Variants in KDM3A observed in about 807,000 individuals in gnomAD.
The protein encoded by KDM3A is lysine demethylase 3A.
KDM3A carries 60 observed loss-of-function variants against 158.0 expected under a neutral mutation model. The ratio of observed to expected loss-of-function variants is 0.38; its 90% CI spans 0.31 to 0.47. The LOEUF (loss-of-function observed/expected upper bound fraction) is 0.47, where lower values mean the gene tolerates loss of function less well. KDM3A is among the 20% of genes least tolerant of loss of function. The pLI is 0.99. For missense variants in KDM3A, 1,319 were observed against 1,574.3 expected (o/e 0.84, Z 2.74); for synonymous variants, 608 against 549.3 (o/e 1.11, Z -1.49).
intron 4 of KDM3A, among the ~76,000 whole-genome samples, chr2:86,454,584 TTA>T (rs997181790): frequency 2.0e-5 from 3 of 152,184 alleles, no homozygotes; most frequent in African/African-American, 7.2e-5. Context: ...ACACAGTGTA[TTA>T]TATAGTACAT....
intron 11 of KDM3A, among the ~76,000 whole-genome samples, chr2:86,472,726 G>A (rs1430176742): frequency 6.6e-6 from 1 of 152,092 alleles, no homozygotes; most frequent in East Asian, 1.9e-4. Context: ...TTTGATAGCT[G>A]CCCACTGCCT....
intron 21 of KDM3A, chr2:86,488,991 CTTTGT>C (rs2104714912): frequency 3.9e-6 from 1 of 254,170 alleles, no homozygotes; most frequent in South Asian, 5.1e-5. Context: ...GGTCCTTGGG[CTTTGT>C]CTCTTGCCCC....
chr2:86,473,733 A>G (rs919902197), intron 11 of KDM3A, among the ~76,000 whole-genome samples: 1 of 152,210 alleles, frequency 6.6e-6, no homozygotes, highest in Non-Finnish European at 1.5e-5. Flanking sequence ...TGGGCATTGG[A>G]GTGAGAGCCT....
intron 22 of KDM3A, 23 bp from the exon 23 acceptor site, chr2:86,489,497 T>G (rs558347349): frequency 1.2e-5 from 20 of 1,611,558 alleles, no homozygotes; most frequent in Non-Finnish European, 1.6e-5. Flanking sequence ...TGGTCTGATA[T>G]CTGCTTTCTC....
chr2:86,474,701 TTGTGTGTGTGTGTGTG>T (rs369518183), intron 11 of KDM3A, 59 bp from the exon 12 acceptor site: 84 of 429,174 alleles, frequency 2.0e-4, no homozygotes, highest in South Asian at 1.1e-3. Context: ...TGTAAATAAG[TTGTGTGTGTGTGTGTG>T]TGTGTGTGTG....
rs1453046754 is a variant in KDM3A at position 86,482,055 on chromosome 2, A to G, written c.2638A>G (p.Asn880Asp). The change falls in exon 17 of 26, where the codon AAC (asparagine) becomes GAC (aspartate). Residue 880 changes from asparagine (N) to aspartate (D), a missense_variant. Asn to Asp is a conservative substitution (Grantham distance 23). This residue lies in a region of KDM3A where 368 missense variants were observed against 415.8 expected (regional missense o/e 0.89). Transcript: ENST00000312912. ...NSTILTPVSN[N>D]NSGFLRNLLN... ...CACAATTTTGACACCCGTAAGCAAC[A>G]ACAATTCTGGTTTCCTCCGGAATCT... 7 of 1,614,230 alleles carry G rather than the reference A, an allele frequency of 4.3e-6. No homozygotes were observed. The highest frequency in any genetic ancestry group is 2.2e-5 in the South Asian group (2 of 91,086).
At chr2:86,486,084 A>C (rs1394127541) in intron 21 of KDM3A, among the ~76,000 whole-genome samples, 2 of 152,082 alleles carry the variant, frequency 1.3e-5, no homozygotes, top group Non-Finnish European at 2.9e-5. Context: ...TTTTCCCTTT[A>C]CTGTACCTAA....
intron 2 of KDM3A, among the ~76,000 whole-genome samples, chr2:86,446,941 A>G (rs1682981205): frequency 6.6e-6 from 1 of 152,054 alleles, no homozygotes; most frequent in Non-Finnish European, 1.5e-5. Context: ...CCTCCTGAAT[A>G]TCTAGGACCA....
chr2:86,479,976 C>G, intron 15 of KDM3A, 191 bp from the exon 16 acceptor site: 1 of 593,228 alleles, frequency 1.7e-6, no homozygotes, highest in Non-Finnish European at 3.0e-6. Flanking sequence ...TTGCTGACAT[C>G]TCTCCTACCT....
chr2:86,485,952 C>G, intron 21 of KDM3A, 93 bp downstream of exon 21: 1 of 1,356,508 alleles, frequency 7.4e-7, no homozygotes, highest in Non-Finnish European at 1.0e-6. Flanking sequence ...GGAAAACACC[C>G]ATAATCCTAA....
chr2:86,458,884 C>T (rs767062889), intron 8 of KDM3A, among the ~76,000 whole-genome samples: 1 of 151,950 alleles, frequency 6.6e-6, no homozygotes, highest in Non-Finnish European at 1.5e-5. Context: ...GAGGGAAGGA[C>T]ATGAGAATAG....
At chr2:86,441,555 C>A in intron 1 of KDM3A, 111 bp downstream of exon 1, 1 of 151,106 alleles carries the variant, frequency 6.6e-6, no homozygotes, top group South Asian at 2.1e-4. Flanking sequence ...GACGGGCGCC[C>A]GGGGTTCGGG....
At chr2:86,441,516 C>A (rs1411955020) in intron 1 of KDM3A, 72 bp downstream of exon 1, 1 of 151,326 alleles carries the variant, frequency 6.6e-6, no homozygotes, top group Non-Finnish European at 1.5e-5. Context: ...GCGGCCCCGT[C>A]GCCCGTTGGC....
chr2:86,451,147 T>A lies in KDM3A; in HGVS notation c.387T>A (p.Thr129=). ...LLDKAGLGSI[T]SVRFLGDQQR... Reference sequence around the variant, plus strand: ...ACAAAGCTGGTTTGGGATCCATAACTTCTGTTCGCTTTCTGGGAGATCAAC... The same window carrying A: ...ACAAAGCTGGTTTGGGATCCATAACATCTGTTCGCTTTCTGGGAGATCAAC... Residue 129 remains threonine (T), a synonymous_variant, in exon 4 of 26, where the codon ACT becomes ACA. Coordinates refer to ENST00000312912, the MANE Select transcript of KDM3A (RefSeq NM_018433.6). The A allele has an allele frequency of 1.2e-6, 2 of 1,612,408 alleles. No individual in the cohort carries two copies. Among genetic ancestry groups the A allele is most frequent in the Non-Finnish European group, 8.5e-7 (1 of 1,179,466 alleles).
chr2:86,483,185 A>T (rs1304603847), intron 18 of KDM3A: 1 of 154,284 alleles, frequency 6.5e-6, no homozygotes, highest in East Asian at 1.9e-4. Flanking sequence ...GCCGGTTAAT[A>T]TCTTTAGGAG....
Position 86,480,313 on chromosome 2 carries a change from A to G in KDM3A, c.2463A>G (p.Leu821=). ...CCTGTCCAGCCAGCACATCTCCTCT[A>G]AACTGGCTGGCCGACCTAACCAGCG... ...KPACPASTSP[L]NWLADLTSGN... Residue 821 remains leucine, a synonymous_variant, in exon 16 of 26, where the codon CTA becomes CTG. Transcript: ENST00000312912. The G allele has an allele frequency of 6.2e-7, 1 of 1,614,048 alleles. No individual in the cohort carries two copies. The highest frequency in any genetic ancestry group is 8.5e-7 in the Non-Finnish European group (1 of 1,179,986).
intron 5 of KDM3A, among the ~76,000 whole-genome samples, chr2:86,455,625 G>T (rs1326754710): frequency 3.3e-5 from 5 of 151,658 alleles, no homozygotes; most frequent in African/African-American, 1.2e-4. Flanking sequence ...CTGAAATTTG[G>T]AAAGTTCAGG....
intron 17 of KDM3A, 40 bp from the exon 18 acceptor site, chr2:86,482,418 G>A (rs770646430): frequency 1.9e-6 from 3 of 1,602,230 alleles, no homozygotes; most frequent in Non-Finnish European, 1.7e-6. Flanking sequence ...GATGGTAAGG[G>A]AATGACATAT....
At chr2:86,486,794 C>G (rs1052692441) in intron 21 of KDM3A, 1 of 152,326 alleles carries the variant, frequency 6.6e-6, no homozygotes, top group African/African-American at 2.4e-5. Flanking sequence ...TGAGTCAGCT[C>G]AGGGAACCAC....
Sources: allele counts gnomAD v4.1 joint callset (sites outside exome capture counted in the v4.1 genomes callset), GRCh38; gene constraint gnomAD v4.1.1; regional missense constraint gnomAD v4.1.1; transcripts MANE v1.5; gene names NCBI Gene and HGNC (gene_info 2026-07-23, HGNC 2026-07-21).